AMOT: variants seen among roughly 807,000 people sequenced by gnomAD.
The protein encoded by AMOT is angiomotin.
AMOT carries 11 observed loss-of-function variants against 67.0 expected under a neutral mutation model. That is an observed-to-expected ratio of 0.16 (90% CI 0.10 to 0.27). AMOT has a LOEUF of 0.27. Ranked by LOEUF, AMOT falls within the 10% of genes least tolerant of loss-of-function variation. The pLI, the probability that AMOT is intolerant of heterozygous loss-of-function variation, is 1.00. For missense variants in AMOT, 753 were observed against 852.0 expected, an observed-to-expected ratio of 0.88 and a Z score of 1.45; for synonymous variants, 326 against 321.4, an observed-to-expected ratio of 1.01 and a Z score of -0.15.
At chrX:112,783,432 C>T (rs769905949) in intron 10 of AMOT, among the ~76,000 whole-genome samples, 6 of 110,952 alleles carry the variant, frequency 5.4e-5, no homozygotes, top group Non-Finnish European at 1.1e-4. Flanking sequence ...TTGGTAAATA[C>T]ACCTGAGTAC....
intron 2 of AMOT, among the ~76,000 whole-genome samples, chrX:112,831,722 G>C (rs1276989077): frequency 2.7e-5 from 3 of 110,051 alleles, no homozygotes; most frequent in Non-Finnish European, 5.7e-5. Context: ...ATATATCTTT[G>C]GGAGTCATTA....
chrX:112,775,816 A>G lies in AMOT; in HGVS notation c.*2751T>C, dbSNP rs1357001941. On this transcript the variant is annotated 3_prime_UTR_variant, in exon 14 of 14. Transcript: ENST00000371959. Reference sequence around the variant, plus strand: ...AGATCACCAAGCAGTACAAGCTAAGACAACCTGGTCACCCTCCTTTCCTGA... The same window carrying G: ...AGATCACCAAGCAGTACAAGCTAAGGCAACCTGGTCACCCTCCTTTCCTGA... The G allele has an allele frequency of 8.9e-6, 1 of 112,104 alleles. No individual in the cohort carries two copies. Among genetic ancestry groups the G allele is most frequent in the Non-Finnish European group, 1.9e-5 (1 of 53,199 alleles). 9.2% of individuals were successfully genotyped at this position (112,104 alleles called of 1,213,427 possible).
intron 4 of AMOT, among the ~76,000 whole-genome samples, chrX:112,818,779 G>A (rs1052125041): frequency 1.1e-4 from 12 of 111,269 alleles, no homozygotes; most frequent in African/African-American, 3.6e-4. Context: ...TAATAAAGGT[G>A]GCAGCCATGT....
At chrX:112,807,240 A>G (rs1408986578) in intron 7 of AMOT, among the ~76,000 whole-genome samples, 1 of 110,742 alleles carries the variant, frequency 9.0e-6, no homozygotes, top group Non-Finnish European at 1.9e-5. Context: ...TGTGAAGTTC[A>G]GTCCAGAGGC....
At chrX:112,786,076 C>T (rs777666901) in intron 10 of AMOT, among the ~76,000 whole-genome samples, 1 of 111,729 alleles carries the variant, frequency 9.0e-6, no homozygotes, top group Admixed American at 9.5e-5. Context: ...ATCAGAGTTA[C>T]TATTACGGTT....
chrX:112,804,379 C>A (rs1934104872), intron 8 of AMOT, among the ~76,000 whole-genome samples: 1 of 111,214 alleles, frequency 9.0e-6, no homozygotes, highest in Non-Finnish European at 1.9e-5. Context: ...ACCAATCTGC[C>A]AAGTAAGTCC....
chrX:112,827,778 C>T (rs1407335427), intron 2 of AMOT, among the ~76,000 whole-genome samples: 2 of 111,411 alleles, frequency 1.8e-5, no homozygotes, highest in African/African-American at 6.5e-5. Flanking sequence ...ACAAGGTGGT[C>T]AGGACAGACC....
intron 8 of AMOT, among the ~76,000 whole-genome samples, chrX:112,799,432 T>C (rs926005785): frequency 4.5e-5 from 5 of 112,152 alleles, no homozygotes; most frequent in Admixed American, 1.9e-4. Flanking sequence ...AGTGCCTTCA[T>C]TGTCTAATTT....
Position 112,779,604 on chromosome X carries a change from C to G in AMOT, c.2550G>C (p.Leu850=). 8.3e-7 allele frequency: 1 copy of G among 1,210,720 alleles called. No individual in the cohort carries two copies. The highest frequency in any genetic ancestry group is 1.1e-6 in the Non-Finnish European group (1 of 895,343). Residue 850 remains leucine (L), a synonymous_variant, in exon 13 of 14, where the codon CTG becomes CTC. Coordinates refer to ENST00000371959, the MANE Select transcript of AMOT (RefSeq NM_001113490.2). The part of the protein sequence containing the change: ...TPSPVPPSTP[L]LSAHSKTGSR... ...TGCCTGTCTTGGAGTGAGCCGAGAGCAGGGGAGTCGAGGGTGGCACAGGCG... is the reference window on the plus strand; with the variant it reads ...TGCCTGTCTTGGAGTGAGCCGAGAGGAGGGGAGTCGAGGGTGGCACAGGCG...
chrX:112,795,098 G>T (rs1933754229), intron 8 of AMOT, among the ~76,000 whole-genome samples: 1 of 111,636 alleles, frequency 9.0e-6, no homozygotes, highest in Non-Finnish European at 1.9e-5. Flanking sequence ...CTTTCCAAAT[G>T]ACATGATTTG....
At chrX:112,804,898 T>TTGCCCCCCCCCC in intron 8 of AMOT, 49 bp downstream of exon 8, 96 of 837,414 alleles carry the variant, frequency 1.1e-4, no homozygotes, top group East Asian at 1.5e-4. Flanking sequence ...GTCCCCGATT[T>TTGCCCCCCCCCC]CCCAGCCCTC....
intron 8 of AMOT, among the ~76,000 whole-genome samples, chrX:112,800,294 G>GA (rs777442010): frequency 9.0e-5 from 10 of 111,700 alleles, no homozygotes; most frequent in Non-Finnish European, 1.5e-4. Context: ...GAAAAGAAAA[G>GA]AAAGAAAGAG....
chrX:112,803,718 G>A (rs919159386), intron 8 of AMOT, among the ~76,000 whole-genome samples: 6 of 112,076 alleles, frequency 5.4e-5, no homozygotes, highest in African/African-American at 1.3e-4. Flanking sequence ...AAATCTCCAG[G>A]AACTAGACCT....
chrX:112,840,724 G>C lies in AMOT; in HGVS notation c.-561C>G, dbSNP rs1168487029. The stretch of plus-strand genomic sequence containing the variant: ...AAGAGAAGAGGAGGCGAAAGAGAGC[G>C]GAGATGGAGGAGTAATTCAGGGGGT... On this transcript the variant is annotated 5_prime_UTR_variant, in exon 1 of 14. Coordinates refer to ENST00000371959, the MANE Select transcript of AMOT (RefSeq NM_001113490.2). The C allele has an allele frequency of 8.8e-6, 1 of 113,194 alleles. No individual in the cohort carries two copies. Among genetic ancestry groups the C allele is most frequent in the Non-Finnish European group, 1.9e-5 (1 of 53,480 alleles). The allele number at this position is 113,194 out of a possible 1,213,427, so 9.3% of individuals were successfully genotyped here. A position where few individuals can be genotyped will look rare whatever the true frequency, so the allele number is the denominator to read the frequency against.
At chrX:112,806,192 G>A (rs771229861) in intron 7 of AMOT, among the ~76,000 whole-genome samples, 1 of 108,438 alleles carries the variant, frequency 9.2e-6, no homozygotes, top group Non-Finnish European at 1.9e-5. Context: ...GGCTGAACCC[G>A]GGAGGCAGAG....
chrX:112,793,583 G>A (rs1364408210), intron 8 of AMOT, among the ~76,000 whole-genome samples: 1 of 112,037 alleles, frequency 8.9e-6, no homozygotes, highest in Non-Finnish European at 1.9e-5. Context: ...CTAAGTCGAA[G>A]GAACCCTATC....
intron 2 of AMOT, among the ~76,000 whole-genome samples, chrX:112,831,635 G>A (rs1322015497): frequency 4.5e-5 from 5 of 109,940 alleles, no homozygotes; most frequent in Admixed American, 9.7e-5. Context: ...CCCAAGAGGA[G>A]GAAAATATCA....
chrX:112,822,160 C>T, intron 4 of AMOT, 95 bp downstream of exon 4: 1 of 1,036,096 alleles, frequency 9.7e-7, no homozygotes, highest in Non-Finnish European at 1.2e-6. Flanking sequence ...TTTGTTATAT[C>T]AAACACCTGC....
chrX:112,806,326 T>TTATACATATG (rs929463215), intron 7 of AMOT, among the ~76,000 whole-genome samples: 3 of 100,623 alleles, frequency 3.0e-5, no homozygotes, highest in African/African-American at 1.1e-4. Context: ...CACACACGTT[T>TTATACATATG]TATACATATG....
Sources: gnomAD v4.1 joint callset for allele counts (sites outside exome capture counted in the v4.1 genomes callset) on GRCh38, gnomAD v4.1.1 for gene constraint, MANE v1.5 for transcripts, NCBI Gene and HGNC (gene_info 2026-07-23, HGNC 2026-07-21) for gene names.